TMEM222: variants seen among roughly 807,000 people sequenced by gnomAD.
The protein encoded by TMEM222 is transmembrane protein 222.
In TMEM222, 18 loss-of-function variants were observed where a neutral mutation model predicts 25.1. That is an observed-to-expected ratio of 0.72 (90% CI 0.50 to 1.06). The LOEUF (loss-of-function observed/expected upper bound fraction) is 1.06. TMEM222 is among the 50% of genes least tolerant of loss of function. TMEM222 has a pLI of 0.00. For synonymous variants in TMEM222, 131 were observed against 117.9 expected, an observed-to-expected ratio of 1.11 and a Z score of -0.72; for missense variants, 296 against 293.7, an observed-to-expected ratio of 1.01 and a Z score of -0.06.
chr1:27,331,678 T>G (rs921861762), intron 2 of TMEM222, among the ~76,000 whole-genome samples: 1 of 152,232 alleles, frequency 6.6e-6, no homozygotes, highest in African/African-American at 2.4e-5. Context: ...GGGCCACCAC[T>G]GTTGAGTCAG....
chr1:27,334,210 C>T lies in TMEM222; in HGVS notation c.468C>T (p.Arg156=), dbSNP rs2014551156. The change falls in exon 5 of 6, where the codon CGC becomes CGT. Residue 156 remains arginine (R), a synonymous_variant. Transcript: ENST00000374076. Reference sequence around the variant, plus strand: ...TGGCATTGGCCCTGAATCTGATGCGCTACAACAACAGCACCAACTGGAATA... The same window carrying T: ...TGGCATTGGCCCTGAATCTGATGCGTTACAACAACAGCACCAACTGGAATA... ...SHVALALNLM[R]YNNSTNWNMV... is the part of the protein sequence containing the mutation. The T allele has an allele frequency of 6.2e-7, 1 of 1,614,200 alleles. No homozygotes were observed.
Position 27,335,773 on chromosome 1 carries a change from TG to T in TMEM222, c.*311del. 1 of 426,572 alleles carries T rather than the reference TG, an allele frequency of 2.3e-6. No individual in the cohort carries two copies. Among genetic ancestry groups the T allele is most frequent in the Non-Finnish European group, 4.4e-6 (1 of 228,844 alleles). 26.4% of individuals were successfully genotyped at this position (426,572 alleles called of 1,614,324 possible). On this transcript the variant is annotated 3_prime_UTR_variant, in exon 6 of 6. Coordinates refer to ENST00000374076, the MANE Select transcript of TMEM222 (RefSeq NM_032125.3). ...TAGAGCTGCTCCCGCCACCACCTGC[TG>T]GGGTCCTGCCTCAGCCCAGTGCCCA... is the stretch of plus-strand genomic sequence containing the variant.
Position 27,330,669 on chromosome 1 carries a change from T to A in TMEM222, c.195-51T>A, listed in dbSNP as rs144942324. On this transcript the variant is annotated intron_variant, in intron 1 of 5. Coordinates refer to ENST00000374076, the MANE Select transcript of TMEM222 (RefSeq NM_032125.3). Reference sequence around the variant, plus strand: ...GAAGGGTCCCCAGCGTCCGTCTAACTGGCTGAAAGATCCCCTAAGCTCTGT... The same window carrying A: ...GAAGGGTCCCCAGCGTCCGTCTAACAGGCTGAAAGATCCCCTAAGCTCTGT... 40 of 1,502,966 alleles carry A rather than the reference T, an allele frequency of 2.7e-5. No individual in the cohort carries two copies. The East Asian group carries it at 7.0e-4, about 26-fold the overall frequency. The allele number at this position is 1,502,966 out of a possible 1,614,324, so 93.1% of individuals were successfully genotyped here. A position where few individuals can be genotyped will look rare whatever the true frequency, so the allele number is the denominator to read the frequency against.
At position 27,335,527 on chromosome 1, in the gene TMEM222, G is replaced by C; in HGVS notation, c.*61G>C. ...GAGGAAACAGCCGCCATCCCTTTTG[G>C]TTCCAGATTTTTTTCTCCTCACCCC... On this transcript the variant is annotated 3_prime_UTR_variant, in exon 6 of 6. Transcript: ENST00000374076. 1 of 1,570,320 alleles carries C rather than the reference G, an allele frequency of 6.4e-7. No homozygotes were observed. Among genetic ancestry groups the C allele is most frequent in the Non-Finnish European group, 8.7e-7 (1 of 1,142,892 alleles).
At chr1:27,323,815 A>G (rs2014271714) in intron 1 of TMEM222, among the ~76,000 whole-genome samples, 1 of 152,234 alleles carries the variant, frequency 6.6e-6, no homozygotes, top group Non-Finnish European at 1.5e-5. Context: ...TGTGCACATT[A>G]ATTCATTCAG....
chr1:27,332,002 C>T, intron 2 of TMEM222, 68 bp from the exon 3 acceptor site: 1 of 1,561,514 alleles, frequency 6.4e-7, no homozygotes, highest in African/African-American at 1.4e-5. Flanking sequence ...ACTTCTGCCA[C>T]CTACCCAGGT....
chr1:27,322,338 G>A lies in TMEM222; in HGVS notation c.141G>A (p.Val47=). ...GCTCCGGCGGCGTCGCCATGGATGT[G>A]GAACGGAGTCGCTTCCCCTACTGCG... ...YQGSGGVAMD[V]ERSRFPYCVV... The change falls in exon 1 of 6, where the codon GTG becomes GTA. Residue 47 remains valine (V), a synonymous_variant. Coordinates refer to ENST00000374076, the MANE Select transcript of TMEM222 (RefSeq NM_032125.3). 1.3e-6 allele frequency: 2 copies of A among 1,538,948 alleles called. No homozygotes were observed. The highest frequency in any genetic ancestry group is 1.8e-6 in the Non-Finnish European group (2 of 1,138,854).
chr1:27,328,683 A>G (rs1340228407), intron 1 of TMEM222, among the ~76,000 whole-genome samples: 1 of 152,218 alleles, frequency 6.6e-6, no homozygotes, highest in Non-Finnish European at 1.5e-5. Context: ...TCGTTCTTCC[A>G]GGCACATGTA....
At chr1:27,329,206 CT>C (rs369407722) in intron 1 of TMEM222, among the ~76,000 whole-genome samples, 16,170 of 143,134 alleles carry the variant, frequency 0.11, 1,041 homozygotes, top group South Asian at 0.18. Flanking sequence ...GACCGCCCAC[CT>C]TTTTTTTTTT....
chr1:27,322,790 G>A (rs1433830485), intron 1 of TMEM222, among the ~76,000 whole-genome samples: 1 of 152,134 alleles, frequency 6.6e-6, no homozygotes, highest in Non-Finnish European at 1.5e-5. Flanking sequence ...CTGGGTCTGG[G>A]AGCAAGAGTG....
intron 1 of TMEM222, among the ~76,000 whole-genome samples, chr1:27,328,986 A>G (rs72882710): frequency 0.25 from 38,713 of 152,078 alleles, 5,742 homozygotes; most frequent in African/African-American, 0.41. Context: ...TTCTCAGAAC[A>G]CAGACAGGTC....
chr1:27,334,745 G>C, intron 5 of TMEM222: 1 of 1,251,364 alleles, frequency 8.0e-7, no homozygotes, highest in South Asian at 1.6e-5. Context: ...AGACTCGTGA[G>C]CCAGCATAGG....
chr1:27,323,560 G>A (rs1032859045), intron 1 of TMEM222, among the ~76,000 whole-genome samples: 3 of 151,732 alleles, frequency 2.0e-5, no homozygotes, highest in Non-Finnish European at 4.4e-5. Context: ...AGGGTGGATC[G>A]GTAGGTAGTT....
chr1:27,331,822 G>A (rs2014485453), intron 2 of TMEM222, among the ~76,000 whole-genome samples: 1 of 152,254 alleles, frequency 6.6e-6, no homozygotes, highest in Non-Finnish European at 1.5e-5. Context: ...AGTGGCAGCT[G>A]GAGCCCCAGA....
rs1374173390 is a variant in TMEM222, at chr1:27,333,940, G to T, written c.312-18G>T. On this transcript the variant is annotated intron_variant, in intron 3 of 5. Coordinates refer to ENST00000374076, the MANE Select transcript of TMEM222 (RefSeq NM_032125.3). ...CAAAGGAGCCAAGCAAGTGTCCAGAGCCCTTCTCTCCCCCCAGGTACTGGA... is the reference window on the plus strand; with the variant it reads ...CAAAGGAGCCAAGCAAGTGTCCAGATCCCTTCTCTCCCCCCAGGTACTGGA... The T allele has an allele frequency of 1.9e-6, 3 of 1,611,022 alleles. No homozygotes were observed. The East Asian group carries it at 6.7e-5, about 36-fold the overall frequency.
chr1:27,334,130 C>G, intron 4 of TMEM222, 21 bp from the exon 5 acceptor site: 1 of 1,614,098 alleles, frequency 6.2e-7, no homozygotes, highest in South Asian at 1.1e-5. Context: ...CCATCCTGAC[C>G]AGCCCTTCTG....
In TMEM222 at chr1:27,335,398, A is replaced by G; in HGVS notation, c.559A>G (p.Thr187Ala). ...TGTCAGCGTTGGGGCCTTCGTGAAGACCTGGCTGCCCTTCATCCTTCTCCT... is the reference window on the plus strand; with the variant it reads ...TGTCAGCGTTGGGGCCTTCGTGAAGGCCTGGCTGCCCTTCATCCTTCTCCT... ...KYVSVGAFVK[T>A]WLPFILLLGI... is the part of the protein sequence containing the mutation. The change falls in exon 6 of 6, where the codon ACC becomes GCC. Residue 187 changes from threonine (T) to alanine (A), a missense_variant. By Grantham distance (58) the Thr-to-Ala change is moderately conservative. Coordinates refer to ENST00000374076, the MANE Select transcript of TMEM222 (RefSeq NM_032125.3). The G allele has an allele frequency of 6.2e-7, 1 of 1,614,128 alleles. No homozygotes were observed.
At chr1:27,327,964 G>C (rs893574650) in intron 1 of TMEM222, among the ~76,000 whole-genome samples, 16 of 152,232 alleles carry the variant, frequency 1.1e-4, no homozygotes, top group Admixed American at 4.6e-4. Flanking sequence ...CAAATATTTA[G>C]TGAGTTGCAG....
intron 1 of TMEM222, among the ~76,000 whole-genome samples, chr1:27,324,453 GC>G (rs1309413768): frequency 3.9e-4 from 59 of 152,366 alleles, no homozygotes; most frequent in African/African-American, 1.3e-3. Context: ...GTGGTCCTCT[GC>G]GGAGAATGGT....
Sources: gnomAD v4.1 joint callset for allele counts (sites outside exome capture counted in the v4.1 genomes callset) on GRCh38, gnomAD v4.1.1 for gene constraint, MANE v1.5 for transcripts, NCBI Gene and HGNC (gene_info 2026-07-23, HGNC 2026-07-21) for gene names.